CASZ1: variants seen among roughly 807,000 people sequenced by gnomAD.
CASZ1 encodes zinc finger protein castor homolog 1.
CASZ1 carries 28 observed loss-of-function variants against 135.2 expected under a neutral mutation model. The observed-to-expected ratio is 0.21, with a 90% CI of 0.15 to 0.28. The LOEUF is 0.28. CASZ1 is among the 10% of genes least tolerant of loss of function. The pLI, the probability that CASZ1 is intolerant of heterozygous loss-of-function variation, is 1.00. For synonymous variants in CASZ1, 1,068 were observed against 1,073.4 expected, an observed-to-expected ratio of 0.99 and a Z score of 0.10; for missense variants, 2,161 against 2,453.3, an observed-to-expected ratio of 0.88 and a Z score of 2.52.
intron 1 of CASZ1, among the ~76,000 whole-genome samples, chr1:10,775,308 C>T (rs1483095610): frequency 6.6e-6 from 1 of 152,184 alleles, no homozygotes; most frequent in Non-Finnish European, 1.5e-5. Flanking sequence ...CTTTCATTCC[C>T]TTCTCCGCCT....
rs575550535 is a variant in CASZ1, at chr1:10,678,026, TGAGA to T, written c.17-12459_17-12456del. On this transcript the variant is annotated intron_variant, in intron 4 of 20. Transcript: ENST00000377022. The stretch of plus-strand genomic sequence containing the variant: ...GAGGGGACCTTTCTCTTGCAGGGAC[TGAGA>T]CCCTGAGACCTTCCAATGTGTGTTG... Among the ~76,000 whole-genome samples, 681 of 152,298 alleles carry T rather than the reference TGAGA, an allele frequency of 4.5e-3. 2 individuals are homozygous for T. Among genetic ancestry groups the T allele is most frequent in the Middle Eastern group, 0.02 (6 of 294 alleles).
rs190459951 is a variant in CASZ1, at chr1:10,759,427, C to A, written c.-77+1274G>T. Among the ~76,000 whole-genome samples the A allele has an allele frequency of 3.9e-5, 6 of 152,274 alleles. No homozygotes were observed. The highest frequency in any genetic ancestry group is 1.5e-5 in the Non-Finnish European group (1 of 68,020). ...GGACAACGGCAGCACATCCTAAGTA[C>A]GACAGACCAACTTCAGGAGCATGAT... is the stretch of plus-strand genomic sequence containing the variant. On this transcript the variant is annotated intron_variant, in intron 2 of 20. Coordinates refer to ENST00000377022, the MANE Select transcript of CASZ1 (RefSeq NM_001079843.3). This position sits in a 1 kb window ranked among gnomAD's most constrained non-coding sequence, Gnocchi z 4.2.
intron 1 of CASZ1, among the ~76,000 whole-genome samples, chr1:10,775,894 G>A (rs540897450): frequency 1.6e-4 from 24 of 151,970 alleles, no homozygotes; most frequent in Non-Finnish European, 3.5e-4. Context: ...CCAGCACCCC[G>A]TCCCACCCAA....
At chr1:10,677,065 G>A (rs557261043) in intron 4 of CASZ1, among the ~76,000 whole-genome samples, 21 of 152,360 alleles carry the variant, frequency 1.4e-4, no homozygotes, top group Non-Finnish European at 2.1e-4. Context: ...CCTGGGCAGA[G>A]CCCCCTGGGG....
Position 10,653,541 on chromosome 1 carries a change from A to G in CASZ1, c.2516T>C (p.Leu839Pro), listed in dbSNP as rs762908994. Reference protein sequence around the residue: ...AASATPDTPTLVASGAGDSAP... With the variant: ...AASATPDTPTPVASGAGDSAP... ...TGAGTCTCCAGCTCCCGAGGCGACC[A>G]GCGTGGGTGTGTCAGGGGTGGCTGA... Residue 839 changes from leucine to proline, a missense_variant, in exon 11 of 21, where the codon CTG becomes CCG. Leu to Pro is a moderately conservative substitution (Grantham distance 98). Transcript: ENST00000377022. 5 of 1,596,204 alleles carry G rather than the reference A, an allele frequency of 3.1e-6. No individual in the cohort carries two copies. Among genetic ancestry groups the G allele is most frequent in the Non-Finnish European group, 3.4e-6 (4 of 1,169,628 alleles).
intron 3 of CASZ1, among the ~76,000 whole-genome samples, chr1:10,695,232 G>A (rs1557514276): frequency 6.6e-6 from 1 of 151,838 alleles, no homozygotes; most frequent in Non-Finnish European, 1.5e-5. Context: ...GCGCGTCCCC[G>A]GCCCTGGGCC....
At chr1:10,765,087 A>C (rs1640449215) in intron 1 of CASZ1, among the ~76,000 whole-genome samples, 1 of 152,106 alleles carries the variant, frequency 6.6e-6, no homozygotes, top group South Asian at 2.1e-4. Flanking sequence ...CCTCCCCTAC[A>C]TCGGAACCTC....
At chr1:10,744,159 C>T (rs889726036) in intron 2 of CASZ1, among the ~76,000 whole-genome samples, 2 of 152,048 alleles carry the variant, frequency 1.3e-5, no homozygotes, top group East Asian at 1.9e-4. Flanking sequence ...TCCCTCCCCA[C>T]CCGTAAAAAC....
In CASZ1 at chr1:10,679,375, C is replaced by A. The variant is rs1638340525; in HGVS notation, c.17-13804G>T. ...AAACACTCCCAACCCCGGACTTAGGCCCCTGTCAGAATAGACCCCTGGAGC... is the reference window on the plus strand; with the variant it reads ...AAACACTCCCAACCCCGGACTTAGGACCCTGTCAGAATAGACCCCTGGAGC... On this transcript the variant is annotated intron_variant, in intron 4 of 20. Transcript: ENST00000377022. The surrounding 1 kb of genome is among the most constrained non-coding windows in gnomAD (Gnocchi z 4.7). 6.6e-6 allele frequency among the ~76,000 whole-genome samples: 1 copy of A among 152,164 alleles called. No homozygotes were observed. Among genetic ancestry groups the A allele is most frequent in the South Asian group, 2.1e-4 (1 of 4,828 alleles).
At chr1:10,718,143 T>C (rs1639428268) in intron 2 of CASZ1, among the ~76,000 whole-genome samples, 1 of 152,200 alleles carries the variant, frequency 6.6e-6, no homozygotes, top group South Asian at 2.1e-4. Flanking sequence ...CAGCCCAGGC[T>C]TGTGGACAGC....
rs905594842 is a variant in CASZ1 at position 10,709,623 on chromosome 1, G to GGA, written c.-76-4081_-76-4080dup. ...AAAAGAAAGAGAGAGCGGGAGAGGG[G>GGA]GAGAGAGAGAGAGGGAGAGAGAGAA... On this transcript the variant is annotated intron_variant, in intron 2 of 20. Coordinates refer to ENST00000377022, the MANE Select transcript of CASZ1 (RefSeq NM_001079843.3). This position sits in a 1 kb window ranked among gnomAD's most constrained non-coding sequence, Gnocchi z 5.1. Among the ~76,000 whole-genome samples the GGA allele has an allele frequency of 2.6e-5, 4 of 151,700 alleles. No individual in the cohort carries two copies. Among genetic ancestry groups the GGA allele is most frequent in the Non-Finnish European group, 4.4e-5 (3 of 67,900 alleles).
intron 2 of CASZ1, among the ~76,000 whole-genome samples, chr1:10,748,844 G>A (rs1218045837): frequency 6.6e-6 from 1 of 152,254 alleles, no homozygotes; most frequent in Admixed American, 6.5e-5. Flanking sequence ...CGTGGCCAGA[G>A]CAAGCATGGA....
chr1:10,657,269 C>T lies in CASZ1; in HGVS notation c.1410-533G>A, dbSNP rs1396609733. On this transcript the variant is annotated intron_variant, in intron 7 of 20. Transcript: ENST00000377022. This position sits in a 1 kb window ranked among gnomAD's most constrained non-coding sequence, Gnocchi z 5.7. ...CTCACTCTCCAGCCGCCGCCGCCAC[C>T]GCCAGGAACCTGTGCTGCCTCCCAG... 6.6e-6 allele frequency among the ~76,000 whole-genome samples: 1 copy of T among 152,248 alleles called. No individual in the cohort carries two copies. The highest frequency in any genetic ancestry group is 1.5e-5 in the Non-Finnish European group (1 of 68,034).
rs748638395 is a variant in CASZ1 at position 10,755,087 on chromosome 1, C to A, written c.-77+5614G>T. Among the ~76,000 whole-genome samples the A allele has an allele frequency of 6.6e-6, 1 of 152,216 alleles. No homozygotes were observed. The highest frequency in any genetic ancestry group is 1.5e-5 in the Non-Finnish European group (1 of 68,040). ...GGTGGTGAGTGGAAGGGGAGCGACC[C>A]CCAGGCCTGAAGGGCAGAGAGCAAG... On this transcript the variant is annotated intron_variant, in intron 2 of 20. Coordinates refer to ENST00000377022, the MANE Select transcript of CASZ1 (RefSeq NM_001079843.3). The surrounding 1 kb of genome is among the most constrained non-coding windows in gnomAD (Gnocchi z 4.3).
At chr1:10,787,506 C>T (rs912807395) in intron 1 of CASZ1, among the ~76,000 whole-genome samples, 6 of 152,194 alleles carry the variant, frequency 3.9e-5, no homozygotes, top group Admixed American at 2.0e-4. Context: ...CTGAGCTCCC[C>T]GGGGGCGAGG....
intron 1 of CASZ1, among the ~76,000 whole-genome samples, chr1:10,761,507 G>C (rs571268005): frequency 3.1e-4 from 47 of 152,296 alleles, no homozygotes; most frequent in African/African-American, 1.1e-3. Context: ...TGCCCTGAAA[G>C]GGGGCTGCTG....
Position 10,741,268 on chromosome 1 carries a change from C to A in CASZ1, c.-77+19433G>T, listed in dbSNP as rs140556347. On this transcript the variant is annotated intron_variant, in intron 2 of 20. Coordinates refer to ENST00000377022, the MANE Select transcript of CASZ1 (RefSeq NM_001079843.3). The surrounding 1 kb of genome is among the most constrained non-coding windows in gnomAD (Gnocchi z 5.0). ...AAAGTGTTGGGATTACAGGCGTGAG[C>A]CACTGCGCCTGGCTCTATATTGGGC... Among the ~76,000 whole-genome samples the A allele has an allele frequency of 8.0e-3, 1,224 of 152,344 alleles. 20 individuals are homozygous for A. Among genetic ancestry groups the A allele is most frequent in the African/African-American group, 0.027 (1,108 of 41,580 alleles).
At chr1:10,750,137 C>T (rs933310182) in intron 2 of CASZ1, among the ~76,000 whole-genome samples, 10 of 152,106 alleles carry the variant, frequency 6.6e-5, no homozygotes, top group African/African-American at 4.8e-5. Context: ...CCCTGGCACA[C>T]GTGTGGCCCA....
At position 10,654,446 on chromosome 1, in the gene CASZ1, C is replaced by G. The variant is rs779310741; in HGVS notation, c.1811G>C (p.Gly604Ala). The stretch of plus-strand genomic sequence containing the variant: ...GCAGTGGAAGTGCGTGGTCTTCTGT[C>G]CGTAGAACTGGCAGTCGGCTGTGCC... The part of the protein sequence containing the change: ...DCGTADCQFY[G>A]QKTTHFHCRR... The change falls in exon 10 of 21, where the codon GGA (glycine) becomes GCA (alanine). Residue 604 changes from glycine to alanine, a missense_variant. Gly to Ala is a moderately conservative substitution (Grantham distance 60, BLOSUM62 0). Transcript: ENST00000377022. 9 of 1,614,050 alleles carry G rather than the reference C, an allele frequency of 5.6e-6. No homozygotes were observed. In the East Asian group the frequency reaches 8.9e-5, roughly 16 times the overall value.
Sources: allele counts gnomAD v4.1 joint callset (sites outside exome capture counted in the v4.1 genomes callset), GRCh38; gene constraint gnomAD v4.1.1; non-coding constraint Gnocchi (gnomAD v3.1); transcripts MANE v1.5; gene names NCBI Gene and HGNC (gene_info 2026-07-23, HGNC 2026-07-21).